Variants in GNAI3 observed in about 807,000 individuals in gnomAD.
The protein encoded by GNAI3 is G protein subunit alpha i3.
Under a neutral mutation model 41.8 loss-of-function variants are expected in GNAI3, and 12 were observed. That is an observed-to-expected ratio of 0.29 (90% CI 0.18 to 0.47). GNAI3 has a LOEUF of 0.47. Among genes scored for constraint, GNAI3 ranks in the 20% least tolerant of loss-of-function variants. The probability of loss-of-function intolerance (pLI) is 1.00; values close to 1 mark genes in which losing one functional copy is unlikely to be tolerated. For missense variants in GNAI3, 360 were observed against 429.6 expected, an observed-to-expected ratio of 0.84 and a Z score of 1.43; for synonymous variants, 132 against 146.5, an observed-to-expected ratio of 0.90 and a Z score of 0.71.
At chr1:109,549,424 C>T (rs1399438207) in intron 1 of GNAI3, among the ~76,000 whole-genome samples, 1 of 152,172 alleles carries the variant, frequency 6.6e-6, no homozygotes, top group East Asian at 1.9e-4. Flanking sequence ...AGATAAATGA[C>T]AAGTTATCAG....
intron 1 of GNAI3, among the ~76,000 whole-genome samples, chr1:109,554,513 A>G (rs1368261389): frequency 6.6e-6 from 1 of 152,050 alleles, no homozygotes; most frequent in Non-Finnish European, 1.5e-5. Flanking sequence ...GGCCATTTGT[A>G]TATCTTGTGA....
At position 109,599,655 on chromosome 1, in the gene GNAI3, G is replaced by A. The variant is rs752250311; in HGVS notation, c.*7333G>A. On this transcript the variant is annotated 3_prime_UTR_variant, in exon 9 of 9. Transcript: ENST00000369851. ...TTATGGTCTCTCCCTCTAAGAATAT[G>A]AAGAGGAAATTTTACCTTCAACAAA... 9.2e-5 allele frequency: 14 copies of A among 152,166 alleles called. No individual in the cohort carries two copies. The highest frequency in any genetic ancestry group is 3.2e-3 in the Middle Eastern group (1 of 316). The allele number at this position is 152,166 out of a possible 1,614,324, so 9.4% of individuals were successfully genotyped here.
chr1:109,549,954 T>C (rs1647940207), intron 1 of GNAI3, among the ~76,000 whole-genome samples: 1 of 152,202 alleles, frequency 6.6e-6, no homozygotes, highest in Non-Finnish European at 1.5e-5. Flanking sequence ...TCTTCATTAT[T>C]AGTGAAGATT....
At chr1:109,592,004 G>T (rs1649183622) in intron 7 of GNAI3, 39 bp from the exon 8 acceptor site, 1 of 1,382,956 alleles carries the variant, frequency 7.2e-7, no homozygotes, top group Non-Finnish European at 1.0e-6. Context: ...TCAGGCAGCT[G>T]TTACAATTTG....
At chr1:109,552,912 T>A (rs1021766735) in intron 1 of GNAI3, among the ~76,000 whole-genome samples, 10 of 152,218 alleles carry the variant, frequency 6.6e-5, no homozygotes, top group Admixed American at 6.5e-4. Flanking sequence ...TACCTCCACT[T>A]ATTAGCTCTG....
At chr1:109,574,877 A>G (rs542649793) in intron 3 of GNAI3, among the ~76,000 whole-genome samples, 44 of 152,370 alleles carry the variant, frequency 2.9e-4, no homozygotes, top group Admixed American at 2.5e-3. Context: ...GGCAAAACCT[A>G]TATGTCTATG....
chr1:109,582,245 C>T (rs1648911014), intron 4 of GNAI3, among the ~76,000 whole-genome samples, 192 bp from the exon 5 acceptor site: 1 of 152,196 alleles, frequency 6.6e-6, no homozygotes, highest in African/African-American at 2.4e-5. Flanking sequence ...CCTGCCTTGG[C>T]CTCCCAGAGT....
chr1:109,560,009 C>G (rs1648265108), intron 1 of GNAI3, among the ~76,000 whole-genome samples: 1 of 152,080 alleles, frequency 6.6e-6, no homozygotes, highest in Non-Finnish European at 1.5e-5. Context: ...AAGAAAGATA[C>G]CTAAAAGACT....
At chr1:109,583,633 T>C (rs1380303533) in intron 5 of GNAI3, among the ~76,000 whole-genome samples, 1 of 152,096 alleles carries the variant, frequency 6.6e-6, no homozygotes, top group East Asian at 1.9e-4. Flanking sequence ...CAGGCTGGAG[T>C]GCAGTGGTGC....
chr1:109,588,847 C>T (rs1043715112), intron 7 of GNAI3, among the ~76,000 whole-genome samples: 7 of 152,078 alleles, frequency 4.6e-5, no homozygotes, highest in African/African-American at 1.7e-4. Context: ...GAGCCGAGAT[C>T]GCACCACTGC....
At chr1:109,588,690 C>T (rs1167500399) in intron 7 of GNAI3, among the ~76,000 whole-genome samples, 3 of 152,190 alleles carry the variant, frequency 2.0e-5, no homozygotes, top group East Asian at 1.9e-4. Context: ...GTCAAGAGAT[C>T]GAGACCATCC....
At chr1:109,570,800 C>T (rs898951104) in intron 1 of GNAI3, among the ~76,000 whole-genome samples, 15 of 152,106 alleles carry the variant, frequency 9.9e-5, no homozygotes, top group African/African-American at 3.1e-4. Flanking sequence ...CATATTGCAC[C>T]ATAATGCCCA....
chr1:109,548,648 G>T lies in GNAI3; in HGVS notation c.-73G>T. 1 of 1,010,256 alleles carries T rather than the reference G, an allele frequency of 9.9e-7. No individual in the cohort carries two copies. The highest frequency in any genetic ancestry group is 1.6e-6 in the Non-Finnish European group (1 of 644,776). The allele number at this position is 1,010,256 out of a possible 1,614,324, so 62.6% of individuals were successfully genotyped here. A position where few individuals can be genotyped will look rare whatever the true frequency, so the allele number is the denominator to read the frequency against. On this transcript the variant is annotated 5_prime_UTR_variant, in exon 1 of 9. Coordinates refer to ENST00000369851, the MANE Select transcript of GNAI3 (RefSeq NM_006496.4). ...GGGCCACCGCCCAGCAATAGACGGT[G>T]CCTCAGCCTGCCGAGCCGCAGTTTC...
In GNAI3 at chr1:109,579,193, G is replaced by A. The variant is rs1206300406; in HGVS notation, c.304-11G>A. Reference sequence around the variant, plus strand: ...AGAGTCATCTGTCTCTTTCTTAACTGCTTTCTTCAGGATGATGCCCGGCAA... The same window carrying A: ...AGAGTCATCTGTCTCTTTCTTAACTACTTTCTTCAGGATGATGCCCGGCAA... On this transcript the variant is annotated splice_polypyrimidine_tract_variant and intron_variant, in intron 3 of 8. Coordinates refer to ENST00000369851, the MANE Select transcript of GNAI3 (RefSeq NM_006496.4). The A allele has an allele frequency of 6.2e-7, 1 of 1,603,440 alleles. No individual in the cohort carries two copies. The highest frequency in any genetic ancestry group is 2.2e-5 in the East Asian group (1 of 44,702).
intron 7 of GNAI3, among the ~76,000 whole-genome samples, chr1:109,589,776 T>C (rs1384343970): frequency 6.6e-6 from 1 of 152,138 alleles, no homozygotes; most frequent in East Asian, 1.9e-4. Flanking sequence ...GCAATTTCTG[T>C]CCATAGAGAC....
chr1:109,552,076 C>T (rs967227450), intron 1 of GNAI3, among the ~76,000 whole-genome samples: 19 of 151,728 alleles, frequency 1.3e-4, no homozygotes, highest in African/African-American at 3.6e-4. Context: ...GCAGGAGAAT[C>T]GCTTGAACCC....
At chr1:109,551,158 T>G (rs1647974271) in intron 1 of GNAI3, among the ~76,000 whole-genome samples, 1 of 152,272 alleles carries the variant, frequency 6.6e-6, no homozygotes, top group South Asian at 2.1e-4. Flanking sequence ...TTGCTTTTAA[T>G]TTTTACCAAC....
intron 1 of GNAI3, among the ~76,000 whole-genome samples, chr1:109,572,453 A>G (rs1648631876): frequency 6.6e-6 from 1 of 152,208 alleles, no homozygotes; most frequent in South Asian, 2.1e-4. Context: ...TTGAGAGGCT[A>G]AGATGAGCAC....
At chr1:109,586,478 C>G in intron 6 of GNAI3, 133 bp downstream of exon 6, 1 of 908,940 alleles carries the variant, frequency 1.1e-6, no homozygotes, top group East Asian at 2.5e-5. Context: ...TGATCTGTGC[C>G]CTATTACTCT....
Sources: allele counts gnomAD v4.1 joint callset (sites outside exome capture counted in the v4.1 genomes callset), GRCh38; gene constraint gnomAD v4.1.1; transcripts MANE v1.5; gene names NCBI Gene and HGNC (gene_info 2026-07-23, HGNC 2026-07-21).